The following SNX29 variants were observed in gnomAD, a reference collection of about 807,000 sequenced individuals.
SNX29 encodes sorting nexin 29.
Under a neutral mutation model 102.1 loss-of-function variants are expected in SNX29, and 78 were observed. The ratio of observed to expected loss-of-function variants is 0.76; its 90% confidence interval spans 0.64 to 0.92. The LOEUF is 0.92. Among genes scored for constraint, SNX29 ranks in the 40% least tolerant of loss-of-function variants. The pLI is 0.00. For synonymous variants in SNX29, 580 were observed against 414.5 expected (o/e 1.40, Z -4.85); for missense variants, 1,280 against 1,061.7 (o/e 1.21, Z -2.86).
rs545661941 is a variant in SNX29 at position 12,322,059 on chromosome 16, G to A, written c.1783-34104G>A. 5.3e-5 allele frequency among the ~76,000 whole-genome samples: 8 copies of A among 152,284 alleles called. No homozygotes were observed. In the South Asian group the frequency reaches 6.2e-4, roughly 12 times the overall value. On this transcript the variant is annotated intron_variant, in intron 15 of 20. Transcript: ENST00000566228. Reference sequence around the variant, plus strand: ...GTCGGGGTCCCGGTCCTGTGTCTGCGTGACACAGTCCTACCTGGTTCCCTT... The same window carrying A: ...GTCGGGGTCCCGGTCCTGTGTCTGCATGACACAGTCCTACCTGGTTCCCTT...
At chr16:12,565,090 G>C (rs1465563) in intron 20 of SNX29, among the ~76,000 whole-genome samples, 6 of 151,892 alleles carry the variant, frequency 4.0e-5, no homozygotes, top group Admixed American at 3.9e-4. Flanking sequence ...ACATGGGGTC[G>C]TCTTCTCTTC....
intron 18 of SNX29, among the ~76,000 whole-genome samples, chr16:12,447,382 T>C (rs1257254205): frequency 6.6e-6 from 1 of 151,994 alleles, no homozygotes; most frequent in East Asian, 1.9e-4. Context: ...ATTCTAAAAA[T>C]CAAAACTAAA....
intron 18 of SNX29, among the ~76,000 whole-genome samples, chr16:12,408,704 C>T (rs1374581095): frequency 6.6e-6 from 1 of 152,204 alleles, no homozygotes; most frequent in Non-Finnish European, 1.5e-5. Flanking sequence ...GCTGTAATCC[C>T]AGCCACTCGA....
At chr16:12,032,200 C>CTTTTTTTTTTTTTTTTTTTTTTTTT (rs1303679506) in intron 4 of SNX29, among the ~76,000 whole-genome samples, 1 of 141,340 alleles carries the variant, frequency 7.1e-6, no homozygotes. Context: ...TCTTCTTCTT[C>CTTTTTTTTTTTTTTTTTTTTTTTTT]TTCTTTTTTT....
At chr16:12,488,051 G>T (rs1343786141) in intron 19 of SNX29, among the ~76,000 whole-genome samples, 1 of 152,186 alleles carries the variant, frequency 6.6e-6, no homozygotes, top group Non-Finnish European at 1.5e-5. Flanking sequence ...GAATATGTAT[G>T]TGGAGGCCTA....
intron 18 of SNX29, among the ~76,000 whole-genome samples, chr16:12,420,655 CT>C (rs1239081123): frequency 6.6e-6 from 1 of 152,116 alleles, no homozygotes; most frequent in Non-Finnish European, 1.5e-5. Flanking sequence ...TAGCACTGAC[CT>C]CACAGAGTTG....
chr16:12,425,712 T>G (rs772066778), intron 18 of SNX29, among the ~76,000 whole-genome samples: 3 of 152,086 alleles, frequency 2.0e-5, no homozygotes, highest in Non-Finnish European at 4.4e-5. Context: ...TCCTGGAGTT[T>G]GCACAGATGA....
chr16:12,330,390 CCAGGAGG>C (rs1408176865), intron 15 of SNX29, among the ~76,000 whole-genome samples: 2 of 152,118 alleles, frequency 1.3e-5, no homozygotes, highest in African/African-American at 4.8e-5. Flanking sequence ...TCGCATGAAC[CCAGGAGG>C]CAGAGGTTGC....
In SNX29 at chr16:12,052,143, G is replaced by A. The variant is rs772560069; in HGVS notation, c.1045G>A (p.Asp349Asn). Residue 349 changes from aspartate (D) to asparagine (N), a missense_variant, in exon 8 of 21, where the codon GAT (aspartate) becomes AAT (asparagine). Coordinates refer to ENST00000566228, the MANE Select transcript of SNX29 (RefSeq NM_032167.5). ...KLDVKSIDDE[D>N]VDENEDDVYG... ...TGATGTGAAAAGCATCGATGATGAA[G>A]ATGTGGATGAAAACGAAGATGACGT... The A allele has an allele frequency of 8.7e-6, 14 of 1,613,982 alleles. No homozygotes were observed. The highest frequency in any genetic ancestry group is 1.2e-5 in the Non-Finnish European group (14 of 1,179,870).
chr16:12,317,700 C>T (rs1269666755), intron 15 of SNX29, among the ~76,000 whole-genome samples: 1 of 152,188 alleles, frequency 6.6e-6, no homozygotes, highest in Non-Finnish European at 1.5e-5. Context: ...CGTCTTGTGC[C>T]TAGTGGCCAG....
chr16:12,547,326 G>C (rs181718578), intron 20 of SNX29, among the ~76,000 whole-genome samples: 9 of 152,318 alleles, frequency 5.9e-5, no homozygotes, highest in Admixed American at 4.6e-4. Flanking sequence ...GGAACAGAGA[G>C]GCCTTGCAGC....
At chr16:12,063,560 G>A (rs769236152) in intron 9 of SNX29, among the ~76,000 whole-genome samples, 3 of 151,770 alleles carry the variant, frequency 2.0e-5, no homozygotes, top group Non-Finnish European at 4.4e-5. Context: ...TGTATTTTTA[G>A]TAGAGATGGC....
chr16:12,173,764 G>A (rs1170391543), intron 13 of SNX29, among the ~76,000 whole-genome samples: 2 of 152,124 alleles, frequency 1.3e-5, no homozygotes, highest in Admixed American at 1.3e-4. Context: ...TTGACTTTTG[G>A]ATGGGTGCTG....
chr16:12,183,227 C>A (rs1205715914), intron 13 of SNX29, among the ~76,000 whole-genome samples: 1 of 152,146 alleles, frequency 6.6e-6, no homozygotes, highest in African/African-American at 2.4e-5. Context: ...TCTTGAACTC[C>A]TGGGCTCAAG....
chr16:12,431,080 G>T (rs2085292927), intron 18 of SNX29, among the ~76,000 whole-genome samples: 1 of 152,268 alleles, frequency 6.6e-6, no homozygotes, highest in African/African-American at 2.4e-5. Context: ...TCGAACTCCT[G>T]ATCTCAGGTG....
intron 19 of SNX29, 33 bp downstream of exon 19, chr16:12,477,892 C>G: frequency 1.9e-6 from 3 of 1,552,556 alleles, no homozygotes; most frequent in Non-Finnish European, 2.6e-6. Context: ...CCACTTGTCA[C>G]TGCCTGCGTT....
At chr16:12,173,841 C>T (rs988816695) in intron 13 of SNX29, among the ~76,000 whole-genome samples, 2 of 152,194 alleles carry the variant, frequency 1.3e-5, no homozygotes, top group Non-Finnish European at 2.9e-5. Context: ...GGCTGGAGTG[C>T]AGTGGTGCGA....
At chr16:12,541,947 G>C (rs552043914) in intron 20 of SNX29, among the ~76,000 whole-genome samples, 3 of 152,192 alleles carry the variant, frequency 2.0e-5, no homozygotes, top group East Asian at 1.9e-4. Context: ...GCCCACACAA[G>C]AGGACGCTGG....
At chr16:12,137,672 T>C (rs753625937) in intron 13 of SNX29, among the ~76,000 whole-genome samples, 1 of 152,248 alleles carries the variant, frequency 6.6e-6, no homozygotes, top group Non-Finnish European at 1.5e-5. Context: ...TTTTAAATCA[T>C]TGGAGAAATA....
Sources: gnomAD v4.1 joint callset for allele counts (sites outside exome capture counted in the v4.1 genomes callset) on GRCh38, gnomAD v4.1.1 for gene constraint, MANE v1.5 for transcripts, NCBI Gene and HGNC (gene_info 2026-07-23, HGNC 2026-07-21) for gene names.